The following MAGI2 variants were observed in gnomAD, a reference collection of about 807,000 sequenced individuals.
The protein encoded by MAGI2 is membrane associated guanylate kinase, WW and PDZ domain containing 2, also known as membrane-associated guanylate kinase, WW and PDZ domain-containing protein 2.
MAGI2 carries 35 observed loss-of-function variants against 133.3 expected under a neutral mutation model. The observed-to-expected ratio is 0.26, with a 90% CI of 0.20 to 0.35. The LOEUF is 0.35. Among genes scored for constraint, MAGI2 ranks in the 10% least tolerant of loss-of-function variants. The pLI is 1.00. For synonymous variants in MAGI2, 729 were observed against 710.6 expected, an observed-to-expected ratio of 1.03 and a Z score of -0.41; for missense variants, 1,636 against 1,863.4, an observed-to-expected ratio of 0.88 and a Z score of 2.25.
At chr7:78,519,586 T>C (rs947239151) in intron 4 of MAGI2, among the ~76,000 whole-genome samples, 1 of 152,060 alleles carries the variant, frequency 6.6e-6, no homozygotes, top group Non-Finnish European at 1.5e-5. Context: ...TCTCTGGGGG[T>C]GATGAAGACC....
At chr7:78,991,238 C>A (rs538081484) in intron 2 of MAGI2, among the ~76,000 whole-genome samples, 1 of 151,318 alleles carries the variant, frequency 6.6e-6, no homozygotes, top group South Asian at 2.1e-4. Context: ...AACTGTGAGT[C>A]AACTAAACCT....
Position 78,133,054 on chromosome 7 carries a change from T to C in MAGI2, c.3038A>G (p.Asn1013Ser). ...TGAGCTGGGTGCCGAGGTGGGGCTG[T>C]TGAGCTCTGCGATGGAGAACCAAAG... Reference protein sequence around the residue: ...TLRIIPQEELNSPTSAPSSEK... With the variant: ...TLRIIPQEELSSPTSAPSSEK... The change falls in exon 18 of 22, where the codon AAC becomes AGC. Residue 1013 changes from asparagine to serine, a missense_variant. Physicochemically the swap from Asn to Ser is conservative, Grantham distance 46. Coordinates refer to ENST00000354212, the MANE Select transcript of MAGI2 (RefSeq NM_012301.4). The C allele has an allele frequency of 2.6e-6, 4 of 1,561,986 alleles. No individual in the cohort carries two copies. Among genetic ancestry groups the C allele is most frequent in the Admixed American group, 2.0e-5 (1 of 49,810 alleles).
chr7:79,178,018 C>A lies in MAGI2; in HGVS notation c.302-170812G>T, dbSNP rs186057666. Among the ~76,000 whole-genome samples, 20 of 152,118 alleles carry A rather than the reference C, an allele frequency of 1.3e-4. No homozygotes were observed. The East Asian group carries it at 3.7e-3, about 28-fold the overall frequency. ...TAATCAACTACTGAATGTAGTTTCTCTAAATATTAGCCAGGCTTCCATCTA... is the reference window on the plus strand; with the variant it reads ...TAATCAACTACTGAATGTAGTTTCTATAAATATTAGCCAGGCTTCCATCTA... On this transcript the variant is annotated intron_variant, in intron 1 of 21. Coordinates refer to ENST00000354212, the MANE Select transcript of MAGI2 (RefSeq NM_012301.4).
chr7:79,391,072 A>G (rs1248549567), intron 1 of MAGI2, among the ~76,000 whole-genome samples: 1 of 152,180 alleles, frequency 6.6e-6, no homozygotes, highest in African/African-American at 2.4e-5. Context: ...ACTCTATCCC[A>G]GGGCTCTGTT....
At chr7:79,080,207 G>A (rs1160554657) in intron 1 of MAGI2, among the ~76,000 whole-genome samples, 1 of 151,922 alleles carries the variant, frequency 6.6e-6, no homozygotes, top group African/African-American at 2.4e-5. Context: ...AATTTATATT[G>A]ATATCATAAA....
At chr7:78,353,161 T>C (rs1409580300) in intron 7 of MAGI2, among the ~76,000 whole-genome samples, 1 of 152,214 alleles carries the variant, frequency 6.6e-6, no homozygotes. Context: ...AGTAGTGAAT[T>C]ATAAGTTCAT....
At chr7:78,203,125 C>A (rs1829423796) in intron 10 of MAGI2, among the ~76,000 whole-genome samples, 1 of 152,144 alleles carries the variant, frequency 6.6e-6, no homozygotes, top group Non-Finnish European at 1.5e-5. Flanking sequence ...GAAAAGATGT[C>A]ATTTATATAT....
At chr7:78,049,960 C>A (rs578052236) in intron 21 of MAGI2, among the ~76,000 whole-genome samples, 2 of 152,164 alleles carry the variant, frequency 1.3e-5, no homozygotes, top group Non-Finnish European at 1.5e-5. Context: ...ATGAAATGCT[C>A]ACTCTAACAT....
intron 6 of MAGI2, among the ~76,000 whole-genome samples, chr7:78,394,228 G>C (rs1310863434): frequency 6.6e-6 from 1 of 152,182 alleles, no homozygotes; most frequent in East Asian, 1.9e-4. Context: ...CCTTACCTCA[G>C]TCAAGTAAAC....
chr7:79,215,297 C>A (rs1357644131), intron 1 of MAGI2, among the ~76,000 whole-genome samples: 2 of 151,978 alleles, frequency 1.3e-5, no homozygotes, highest in African/African-American at 2.4e-5. Flanking sequence ...AAATATGTTT[C>A]TTTGAAGTAT....
intron 10 of MAGI2, among the ~76,000 whole-genome samples, chr7:78,248,421 C>T (rs1792024603): frequency 6.6e-6 from 1 of 152,088 alleles, no homozygotes; most frequent in South Asian, 2.1e-4. Context: ...CCTTATCTAT[C>T]AATAAATACT....
intron 9 of MAGI2, among the ~76,000 whole-genome samples, chr7:78,271,858 G>GC (rs1794612918): frequency 6.6e-6 from 1 of 151,496 alleles, no homozygotes; most frequent in Non-Finnish European, 1.5e-5. Context: ...TATTAGTCTT[G>GC]CTAGCAGTCT....
intron 6 of MAGI2, chr7:78,485,791 A>G (rs954254840): frequency 5.9e-5 from 9 of 152,082 alleles, no homozygotes; most frequent in Non-Finnish European, 1.0e-4. Context: ...TAAAATATAA[A>G]TTAGGATAAC....
At chr7:79,295,161 T>A (rs1836834861) in intron 1 of MAGI2, among the ~76,000 whole-genome samples, 1 of 152,124 alleles carries the variant, frequency 6.6e-6, no homozygotes, top group African/African-American at 2.4e-5. Flanking sequence ...TTTCAGAAAA[T>A]TTTAAAATTT....
At chr7:79,445,146 C>A (rs139450958) in intron 1 of MAGI2, among the ~76,000 whole-genome samples, 3,237 of 152,192 alleles carry the variant, frequency 0.021, 92 homozygotes, top group East Asian at 0.12. Context: ...CTTCCTTATA[C>A]CTTATATAAA....
intron 6 of MAGI2, among the ~76,000 whole-genome samples, chr7:78,433,418 C>T (rs776295579): frequency 3.1e-4 from 47 of 152,110 alleles, no homozygotes; most frequent in Admixed American, 5.2e-4. Context: ...CTATATTCTT[C>T]TTGGTTTCAT....
At chr7:79,208,785 T>C (rs1829270790) in intron 1 of MAGI2, among the ~76,000 whole-genome samples, 1 of 152,006 alleles carries the variant, frequency 6.6e-6, no homozygotes, top group African/African-American at 2.4e-5. Flanking sequence ...AACCTAAGTG[T>C]TCATCAGTGG....
intron 1 of MAGI2, among the ~76,000 whole-genome samples, chr7:79,417,269 T>C (rs995626543): frequency 6.6e-6 from 1 of 152,102 alleles, no homozygotes; most frequent in Admixed American, 6.5e-5. Context: ...CTAATACTGA[T>C]AGAATTGATT....
intron 6 of MAGI2, among the ~76,000 whole-genome samples, chr7:78,426,544 C>T (rs1041361784): frequency 6.6e-6 from 1 of 151,880 alleles, no homozygotes; most frequent in Non-Finnish European, 1.5e-5. Flanking sequence ...CAGCATGGCA[C>T]ATGTATACAT....
Sources: gnomAD v4.1 joint callset for allele counts (sites outside exome capture counted in the v4.1 genomes callset) on GRCh38, gnomAD v4.1.1 for gene constraint, MANE v1.5 for transcripts, NCBI Gene and HGNC (gene_info 2026-07-23, HGNC 2026-07-21) for gene names.